Variants in BRINP3 observed in about 807,000 individuals in gnomAD.
BRINP3 encodes the protein BMP/retinoic acid-inducible neural-specific protein 3.
In BRINP3, 19 loss-of-function variants were observed where a neutral mutation model predicts 71.0. That is an observed-to-expected ratio of 0.27 (90% CI 0.19 to 0.39). The LOEUF (loss-of-function observed/expected upper bound fraction) is 0.39, where lower values mean the gene tolerates loss of function less well. Ranked by LOEUF, BRINP3 falls within the 10% of genes least tolerant of loss-of-function variation. BRINP3 has a pLI of 1.00. For synonymous variants in BRINP3, 380 were observed against 337.7 expected (o/e 1.13, Z -1.37); for missense variants, 959 against 940.8 (o/e 1.02, Z -0.25).
chr1:190,321,644 A>T (rs2103052398), intron 2 of BRINP3, among the ~76,000 whole-genome samples: 1 of 152,190 alleles, frequency 6.6e-6, no homozygotes, highest in East Asian at 1.9e-4. Flanking sequence ...AAATTTGGGT[A>T]TTATTTACTC....
chr1:190,447,003 G>T (rs2102590294), intron 2 of BRINP3, among the ~76,000 whole-genome samples: 1 of 151,902 alleles, frequency 6.6e-6, no homozygotes, highest in Non-Finnish European at 1.5e-5. Context: ...AGATGAAAAA[G>T]TTCTGTCTTC....
intron 1 of BRINP3, among the ~76,000 whole-genome samples, chr1:190,472,545 T>C (rs1283256023): frequency 3.3e-5 from 5 of 151,862 alleles, no homozygotes; most frequent in Non-Finnish European, 5.9e-5. Flanking sequence ...AATATTAATA[T>C]GCAATTTGCT....
chr1:190,128,989 A>T (rs1654312439), intron 7 of BRINP3, among the ~76,000 whole-genome samples: 1 of 151,990 alleles, frequency 6.6e-6, no homozygotes, highest in East Asian at 1.9e-4. Context: ...ATCTCATAAG[A>T]ATAAATACTT....
At chr1:190,113,318 C>A (rs1024834058) in intron 7 of BRINP3, among the ~76,000 whole-genome samples, 2 of 152,238 alleles carry the variant, frequency 1.3e-5, no homozygotes, top group East Asian at 3.9e-4. Flanking sequence ...TGCTGCTCCT[C>A]CTTCTTCTTC....
intron 6 of BRINP3, among the ~76,000 whole-genome samples, chr1:190,207,129 A>G (rs1819497): frequency 0.38 from 58,470 of 151,898 alleles, 12,638 homozygotes; most frequent in Non-Finnish European, 0.49. Flanking sequence ...GGAAACAGAA[A>G]TTAAATAATC....
intron 6 of BRINP3, among the ~76,000 whole-genome samples, chr1:190,192,393 T>G (rs775177641): frequency 6.6e-6 from 1 of 152,254 alleles, no homozygotes; most frequent in Non-Finnish European, 1.5e-5. Context: ...AAAAATGCTA[T>G]TAGTAAAACA....
chr1:190,106,079 G>A (rs1652137269), intron 7 of BRINP3, among the ~76,000 whole-genome samples: 1 of 151,864 alleles, frequency 6.6e-6, no homozygotes, highest in African/African-American at 2.4e-5. Flanking sequence ...GCTGTTAAGT[G>A]ATTAGTGTGA....
Position 190,098,291 on chromosome 1 carries a change from G to T in BRINP3, c.2028C>A (p.Asp676Glu), listed in dbSNP as rs1188548099. The change falls in exon 8 of 8, where the codon GAC (aspartate) becomes GAA (glutamate). Residue 676 changes from aspartate (D) to glutamate (E), a missense_variant. Coordinates refer to ENST00000367462, the MANE Select transcript of BRINP3 (RefSeq NM_199051.3). Reference sequence around the variant, plus strand: ...AAATCAGGTCCCGAATTGCTTCAGGGTCAAAGTGCATGCTGTAGCCAAACA... The same window carrying T: ...AAATCAGGTCCCGAATTGCTTCAGGTTCAAAGTGCATGCTGTAGCCAAACA... ...IQVFGYSMHF[D>E]PEAIRDLILQ... 3.1e-6 allele frequency: 5 copies of T among 1,614,144 alleles called. No individual in the cohort carries two copies. The East Asian group carries it at 1.1e-4, about 36-fold the overall frequency.
intron 4 of BRINP3, among the ~76,000 whole-genome samples, chr1:190,240,100 G>T (rs1046334161): frequency 1.3e-5 from 2 of 150,952 alleles, no homozygotes; most frequent in Non-Finnish European, 1.5e-5. Flanking sequence ...AACTTGACTA[G>T]GAACTAACAG....
intron 2 of BRINP3, among the ~76,000 whole-genome samples, chr1:190,337,814 C>A (rs1020248952): frequency 6.6e-6 from 1 of 151,952 alleles, no homozygotes; most frequent in Admixed American, 6.6e-5. Context: ...TCTAGAGAAC[C>A]CTGACTAATA....
At chr1:190,449,195 G>A (rs757775027) in intron 2 of BRINP3, among the ~76,000 whole-genome samples, 37 of 151,830 alleles carry the variant, frequency 2.4e-4, no homozygotes, top group Admixed American at 1.2e-3. Flanking sequence ...ATAATTTTTA[G>A]TGTGAATGAC....
At chr1:190,425,358 T>A (rs1673634471) in intron 2 of BRINP3, among the ~76,000 whole-genome samples, 1 of 151,810 alleles carries the variant, frequency 6.6e-6, no homozygotes, top group Admixed American at 6.6e-5. Flanking sequence ...CTCAGTAGAC[T>A]GATGCTGGCA....
intron 2 of BRINP3, among the ~76,000 whole-genome samples, chr1:190,336,844 TTCCTTCCTTCCC>T (rs1254980017): frequency 4.9e-5 from 6 of 123,170 alleles, no homozygotes; most frequent in Admixed American, 9.4e-5. Context: ...CCCTCCTTCC[TTCCTTCCTTCCC>T]TCCTTCCTTC....
intron 6 of BRINP3, among the ~76,000 whole-genome samples, chr1:190,179,730 G>A (rs1652863783): frequency 6.6e-6 from 1 of 152,110 alleles, no homozygotes; most frequent in African/African-American, 2.4e-5. Context: ...CATCTGCTGT[G>A]GGAAATAGTT....
intron 2 of BRINP3, among the ~76,000 whole-genome samples, chr1:190,423,646 A>G (rs80322207): frequency 0.011 from 1,738 of 151,908 alleles, 36 homozygotes; most frequent in African/African-American, 0.039. Context: ...TATAAAGAAT[A>G]AAGTGTTATG....
intron 6 of BRINP3, among the ~76,000 whole-genome samples, chr1:190,197,008 T>C (rs1654543501): frequency 6.6e-6 from 1 of 151,628 alleles, no homozygotes; most frequent in Admixed American, 6.6e-5. Flanking sequence ...AATAAAGTCA[T>C]AGGAGCGACC....
intron 2 of BRINP3, among the ~76,000 whole-genome samples, chr1:190,413,374 G>A (rs1027809830): frequency 1.3e-5 from 2 of 152,120 alleles, no homozygotes; most frequent in African/African-American, 4.8e-5. Context: ...ATGATATCAG[G>A]CCCTAATCCT....
chr1:190,124,822 G>A (rs939031133), intron 7 of BRINP3, among the ~76,000 whole-genome samples: 7 of 151,962 alleles, frequency 4.6e-5, no homozygotes, highest in African/African-American at 1.7e-4. Flanking sequence ...AAACAACTCT[G>A]CACCACTTAT....
At chr1:190,339,998 T>C (rs1016217663) in intron 2 of BRINP3, among the ~76,000 whole-genome samples, 1 of 151,898 alleles carries the variant, frequency 6.6e-6, no homozygotes, top group Non-Finnish European at 1.5e-5. Flanking sequence ...CTAGTGAAAT[T>C]TGATTGATTA....
Sources: gnomAD v4.1 joint callset for allele counts (sites outside exome capture counted in the v4.1 genomes callset) on GRCh38, gnomAD v4.1.1 for gene constraint, MANE v1.5 for transcripts, NCBI Gene and HGNC (gene_info 2026-07-23, HGNC 2026-07-21) for gene names.